Variants in KRT7 observed in about 807,000 individuals in gnomAD.
The protein encoded by KRT7 is keratin 7, also known as keratin, type II cytoskeletal 7.
KRT7 carries 50 observed loss-of-function variants against 42.8 expected under a neutral mutation model. The observed-to-expected ratio is 1.17, with a 90% confidence interval of 0.93 to 1.48. The LOEUF (loss-of-function observed/expected upper bound fraction) is 1.48, where lower values mean the gene tolerates loss of function less well. Ranked by LOEUF, KRT7 falls within the 40% of genes most tolerant of loss-of-function variation. The probability of loss-of-function intolerance (pLI) is 0.00; values close to 1 mark genes in which losing one functional copy is unlikely to be tolerated. For synonymous variants in KRT7, 268 were observed against 266.3 expected, an observed-to-expected ratio of 1.01 and a Z score of -0.06; for missense variants, 588 against 637.6, an observed-to-expected ratio of 0.92 and a Z score of 0.84.
At chr12:52,243,193 C>A in intron 6 of KRT7, 56 bp downstream of exon 6, 1 of 1,559,458 alleles carries the variant, frequency 6.4e-7, no homozygotes, top group Non-Finnish European at 8.7e-7. Flanking sequence ...GGGTGGCCAG[C>A]TGAGGCCAAA....
chr12:52,253,288 G>A (rs538407182), downstream of KRT7: 6 of 1,612,792 alleles, frequency 3.7e-6, no homozygotes, highest in East Asian at 6.7e-5. Context: ...CCTCCTTGGT[G>A]CGGCGCAGGG....
chr12:52,244,472 G>A (rs1055797157), intron 6 of KRT7: 2 of 985,884 alleles, frequency 2.0e-6, no homozygotes, highest in Non-Finnish European at 2.4e-6. Context: ...TTGGCTCTGG[G>A]GGCACCAGTG....
downstream of KRT7, chr12:52,252,249 CTGTGG>C (rs767574780): frequency 3.7e-6 from 6 of 1,613,496 alleles, no homozygotes; most frequent in Admixed American, 1.0e-4. Flanking sequence ...CTCCCCACAG[CTGTGG>C]TCCTCACCTC....
At chr12:52,250,390 G>T (rs1003774738), downstream of KRT7, 5 of 393,506 alleles carry the variant, frequency 1.3e-5, no homozygotes, top group Admixed American at 1.4e-4. Context: ...CACGTCTGGG[G>T]ACCGTGGGAG....
chr12:52,243,189 C>A (rs1009439039), intron 6 of KRT7, 52 bp downstream of exon 6: 2 of 1,559,358 alleles, frequency 1.3e-6, no homozygotes, highest in South Asian at 1.2e-5. Flanking sequence ...GCAGGGGTGG[C>A]CAGCTGAGGC....
chr12:52,252,341 G>C (rs771337546), downstream of KRT7: 1 of 1,613,908 alleles, frequency 6.2e-7, no homozygotes, highest in African/African-American at 1.3e-5. Context: ...TCACCTCCTG[G>C]TACTCCCTGA....
At chr12:52,250,332 G>T, downstream of KRT7, 1 of 336,994 alleles carries the variant, frequency 3.0e-6, no homozygotes, top group Non-Finnish European at 5.6e-6. Context: ...ACAGGAAGGC[G>T]CGGCGTGGGG....
In KRT7 at chr12:52,242,466, GT is replaced by G. The variant is rs1942106828; in HGVS notation, c.859-545del. 2.0e-5 allele frequency among the ~76,000 whole-genome samples: 3 copies of G among 152,224 alleles called. No individual in the cohort carries two copies. The South Asian group carries it at 6.2e-4, about 32-fold the overall frequency. ...TGGTGCAGGGGCTGAGGGAGCAGGA[GT>G]GGGTGCTGGGGTGAACCAGTGTTCC... On this transcript the variant is annotated intron_variant, in intron 5 of 8. Transcript: ENST00000331817.
At position 52,241,327 on chromosome 12, in the gene KRT7, C is replaced by T. The variant is rs533772639; in HGVS notation, c.694-145C>T. The T allele has an allele frequency of 1.1e-5, 7 of 635,530 alleles. No homozygotes were observed. In the East Asian group the frequency reaches 1.2e-4, roughly 11 times the overall value. 39.4% of individuals were successfully genotyped at this position (635,530 alleles called of 1,614,324 possible). A position where few individuals can be genotyped will look rare whatever the true frequency, so the allele number is the denominator to read the frequency against. ...GCAGAATGAAGTAACTTAATGTGTG[C>T]TGGGTCTGGGCCCCCTTGCTGCCTG... On this transcript the variant is annotated intron_variant, in intron 4 of 8. Coordinates refer to ENST00000331817, the MANE Select transcript of KRT7 (RefSeq NM_005556.4).
At chr12:52,250,338 T>TG, downstream of KRT7, 1 of 341,092 alleles carries the variant, frequency 2.9e-6, no homozygotes. Flanking sequence ...AGGCGCGGCG[T>TG]GGGGGCCGAT....
At chr12:52,235,756 A>T (rs1054265659) in intron 2 of KRT7, among the ~76,000 whole-genome samples, 2 of 152,200 alleles carry the variant, frequency 1.3e-5, no homozygotes, top group African/African-American at 4.8e-5. Context: ...TGTTCAGGTG[A>T]GGAATTAGAG....
chr12:52,250,433 C>G (rs966334141), downstream of KRT7: 4 of 465,628 alleles, frequency 8.6e-6, no homozygotes, highest in Non-Finnish European at 1.6e-5. Flanking sequence ...GAGGCTGCTG[C>G]TGGTGAGGCG....
downstream of KRT7, among the ~76,000 whole-genome samples, chr12:52,251,125 G>A (rs540171468): frequency 1.2e-3 from 177 of 152,230 alleles, no homozygotes; most frequent in Admixed American, 2.1e-3. Context: ...GATTACAGGT[G>A]TCCATCACCT....
At chr12:52,242,445 G>A (rs924655597) in intron 5 of KRT7, among the ~76,000 whole-genome samples, 1 of 152,216 alleles carries the variant, frequency 6.6e-6, no homozygotes, top group African/African-American at 2.4e-5. Context: ...AGTTGATGGT[G>A]CAGGGGCTGA....
chr12:52,244,980 G>A (rs1414037386), intron 6 of KRT7: 10 of 192,722 alleles, frequency 5.2e-5, no homozygotes, highest in Non-Finnish European at 9.4e-5. Context: ...CATGGTCTTC[G>A]AGCTCCTGCA....
Position 52,235,215 on chromosome 12 carries a change from C to T in KRT7, c.385C>T (p.Gln129Ter), listed in dbSNP as rs761840362. The change falls in exon 2 of 9, where the codon CAG becomes TAG. Residue 129 changes from glutamine to a stop codon, truncating the protein, a stop_gained. Transcript: ENST00000331817. LOFTEE classifies it high-confidence loss of function. The part of the protein sequence containing the change: ...LETKWTLLQE[Q>*]KSAKSSRLPD... The stretch of plus-strand genomic sequence containing the variant: ...GACCAAGTGGACGCTGCTGCAGGAG[C>T]AGAAGTCGGCCAAGAGCAGCCGCCT... 1.2e-6 allele frequency: 2 copies of T among 1,614,166 alleles called. No homozygotes were observed. The highest frequency in any genetic ancestry group is 2.2e-5 in the South Asian group (2 of 91,082).
chr12:52,254,306 G>A (rs1205563984), downstream of KRT7: 6 of 986,350 alleles, frequency 6.1e-6, 1 homozygote, highest in Non-Finnish European at 9.4e-6. Flanking sequence ...GATCTCCTGG[G>A]TCAGGGCCTC....
intron 7 of KRT7, chr12:52,245,855 T>C: frequency 3.3e-6 from 2 of 603,824 alleles, no homozygotes; most frequent in Non-Finnish European, 2.9e-6. Context: ...CAGGTTGAAA[T>C]GATAACAGTC....
chr12:52,242,948 AG>A (rs1942115405), intron 5 of KRT7, 63 bp from the exon 6 acceptor site: 13 of 1,514,100 alleles, frequency 8.6e-6, no homozygotes, highest in Admixed American at 6.2e-5. Flanking sequence ...GGGTGGGGAG[AG>A]GGATGAGTTA....
Sources: allele counts gnomAD v4.1 joint callset (sites outside exome capture counted in the v4.1 genomes callset), GRCh38; gene constraint gnomAD v4.1.1; transcripts MANE v1.5; gene names NCBI Gene and HGNC (gene_info 2026-07-23, HGNC 2026-07-21).